The following ADAMTSL1 variants were observed in gnomAD, a reference collection of about 807,000 sequenced individuals.
ADAMTSL1 encodes ADAMTS like 1, also known as ADAMTS-like protein 1.
A neutral mutation model predicts 201.8 loss-of-function variants in ADAMTSL1; 126 were observed. The ratio of observed to expected loss-of-function variants is 0.62; its 90% confidence interval spans 0.54 to 0.72. The LOEUF is 0.72. Ranked by LOEUF, ADAMTSL1 falls within the 30% of genes least tolerant of loss-of-function variation. ADAMTSL1 has a pLI of 0.00. For synonymous variants in ADAMTSL1, 1,121 were observed against 903.4 expected (o/e 1.24, Z -4.32); for missense variants, 2,679 against 2,277.8 (o/e 1.18, Z -3.59).
At chr9:18,319,213 AG>A (rs1278030951) in intron 2 of ADAMTSL1, among the ~76,000 whole-genome samples, 2 of 152,228 alleles carry the variant, frequency 1.3e-5, no homozygotes, top group Non-Finnish European at 2.9e-5. Context: ...TTTAAAAAAA[AG>A]AAAAAGCCAG....
chr9:18,697,344 T>A (rs1295651334), intron 13 of ADAMTSL1, among the ~76,000 whole-genome samples: 1 of 152,158 alleles, frequency 6.6e-6, no homozygotes, highest in African/African-American at 2.4e-5. Context: ...ACAAGAAACA[T>A]CTGTATCACC....
At chr9:18,335,594 T>C (rs59472867) in intron 2 of ADAMTSL1, among the ~76,000 whole-genome samples, 1 of 152,140 alleles carries the variant, frequency 6.6e-6, no homozygotes, top group Non-Finnish European at 1.5e-5. Flanking sequence ...GTGCTTCACA[T>C]GTTCAAGACA....
chr9:18,841,823 G>T (rs561239401), intron 23 of ADAMTSL1, among the ~76,000 whole-genome samples: 8 of 152,140 alleles, frequency 5.3e-5, no homozygotes. Flanking sequence ...GTTTATTTGC[G>T]TAGAGGTGTT....
At chr9:18,025,339 T>C (rs1035654053) in intron 1 of ADAMTSL1, among the ~76,000 whole-genome samples, 1 of 152,160 alleles carries the variant, frequency 6.6e-6, no homozygotes, top group Non-Finnish European at 1.5e-5. Context: ...AAAGTTGATT[T>C]CCAGAAGATT....
At chr9:18,723,381 C>G (rs971661377) in intron 15 of ADAMTSL1, 2 of 423,056 alleles carry the variant, frequency 4.7e-6, no homozygotes, top group South Asian at 4.9e-5. Context: ...GAGGCAGTGC[C>G]GAGGAGTCAG....
chr9:18,305,366 T>C (rs1833869125), intron 2 of ADAMTSL1, among the ~76,000 whole-genome samples: 1 of 152,094 alleles, frequency 6.6e-6, no homozygotes, highest in Non-Finnish European at 1.5e-5. Context: ...AATCGTTCAC[T>C]CTCCTAGAAA....
chr9:18,513,377 C>G (rs940943168), intron 2 of ADAMTSL1, among the ~76,000 whole-genome samples: 2 of 152,156 alleles, frequency 1.3e-5, no homozygotes, highest in African/African-American at 4.8e-5. Flanking sequence ...AGTCTAGATA[C>G]CTTATATAAG....
intron 5 of ADAMTSL1, among the ~76,000 whole-genome samples, chr9:18,634,812 C>G (rs1289013402): frequency 9.2e-6 from 1 of 108,706 alleles, no homozygotes; most frequent in African/African-American, 3.2e-5. Flanking sequence ...GCACTCCAGC[C>G]TGGGTGACAG....
At chr9:18,193,503 C>T (rs1031526056) in intron 2 of ADAMTSL1, among the ~76,000 whole-genome samples, 2 of 152,170 alleles carry the variant, frequency 1.3e-5, no homozygotes, top group Admixed American at 6.6e-5. Context: ...TCTCTCTCTT[C>T]CTCTGGTTCT....
intron 2 of ADAMTSL1, among the ~76,000 whole-genome samples, chr9:18,461,573 A>G (rs566164635): frequency 6.6e-6 from 1 of 152,122 alleles, no homozygotes; most frequent in African/African-American, 2.4e-5. Context: ...TTTTTATTTA[A>G]TCTACCTAAC....
intron 8 of ADAMTSL1, among the ~76,000 whole-genome samples, chr9:18,658,186 G>C (rs1485362453): frequency 1.3e-5 from 2 of 152,140 alleles, no homozygotes; most frequent in African/African-American, 4.8e-5. Flanking sequence ...GTGTTAGCCA[G>C]GATAGTCTCG....
chr9:18,283,931 G>T (rs55771730), intron 2 of ADAMTSL1, among the ~76,000 whole-genome samples: 2 of 64,868 alleles, frequency 3.1e-5, no homozygotes, highest in Non-Finnish European at 5.6e-5. Context: ...AAAAAAAAAA[G>T]AAGAAGAAGA....
intron 2 of ADAMTSL1, among the ~76,000 whole-genome samples, chr9:18,238,845 A>T (rs1830949821): frequency 6.6e-6 from 1 of 152,192 alleles, no homozygotes; most frequent in African/African-American, 2.4e-5. Flanking sequence ...TAACATTTGA[A>T]ATTTACTCTC....
At chr9:18,758,902 C>G (rs1347905319) in intron 16 of ADAMTSL1, among the ~76,000 whole-genome samples, 1 of 152,136 alleles carries the variant, frequency 6.6e-6, no homozygotes, top group Non-Finnish European at 1.5e-5. Context: ...TTCCACTACC[C>G]TTTTGCCTCT....
intron 2 of ADAMTSL1, among the ~76,000 whole-genome samples, chr9:18,213,771 G>T (rs1185362811): frequency 6.6e-6 from 1 of 152,014 alleles, no homozygotes; most frequent in Non-Finnish European, 1.5e-5. Context: ...ACAGAGTCTC[G>T]CTCTGTCGCC....
At chr9:18,267,555 A>G (rs1679895880) in intron 2 of ADAMTSL1, among the ~76,000 whole-genome samples, 1 of 152,164 alleles carries the variant, frequency 6.6e-6, no homozygotes, top group African/African-American at 2.4e-5. Context: ...CATTGTATTC[A>G]GGGCTGCAGG....
intron 2 of ADAMTSL1, among the ~76,000 whole-genome samples, chr9:18,453,258 G>A (rs1820481284): frequency 1.3e-5 from 2 of 152,062 alleles, no homozygotes; most frequent in Admixed American, 6.6e-5. Context: ...GAGACCCAAG[G>A]TAGCTCTGGG....
intron 7 of ADAMTSL1, among the ~76,000 whole-genome samples, chr9:18,654,697 C>T (rs1828513492): frequency 6.6e-6 from 1 of 151,974 alleles, no homozygotes; most frequent in Admixed American, 6.6e-5. Flanking sequence ...GTCTTAACAG[C>T]AGTTCCTGAG....
chr9:18,800,250 G>C (rs1050183812), intron 20 of ADAMTSL1, among the ~76,000 whole-genome samples: 4 of 151,808 alleles, frequency 2.6e-5, no homozygotes, highest in African/African-American at 7.3e-5. Flanking sequence ...GGTGGCAAGC[G>C]CCTGTAATCC....
Sources: allele counts gnomAD v4.1 joint callset (sites outside exome capture counted in the v4.1 genomes callset), GRCh38; gene constraint gnomAD v4.1.1; transcripts MANE v1.5; gene names NCBI Gene and HGNC (gene_info 2026-07-23, HGNC 2026-07-21).